Variants in HSPA4 observed in about 807,000 individuals in gnomAD.
The protein encoded by HSPA4 is heat shock protein family A (Hsp70) member 4.
A neutral mutation model predicts 106.2 loss-of-function variants in HSPA4; 25 were observed. That is an observed-to-expected ratio of 0.24 (90% confidence interval 0.17 to 0.33). The LOEUF (loss-of-function observed/expected upper bound fraction) is 0.33. HSPA4 is among the 10% of genes least tolerant of loss of function. The pLI is 1.00. For missense variants in HSPA4, 841 were observed against 996.0 expected (o/e 0.84, Z 2.10); for synonymous variants, 332 against 333.6 (o/e 1.00, Z 0.05).
chr5:133,055,307 ATTTTTTT>A (rs397999293), intron 1 of HSPA4, among the ~76,000 whole-genome samples: 1,423 of 60,054 alleles, frequency 0.024, 19 homozygotes, highest in African/African-American at 0.074. Flanking sequence ...AGGAAGGTTG[ATTTTTTT>A]TTTTTTTTTT....
At chr5:133,104,081 T>A in intron 18 of HSPA4, 55 bp downstream of exon 18, 1 of 1,484,008 alleles carries the variant, frequency 6.7e-7, no homozygotes, top group Non-Finnish European at 9.3e-7. Flanking sequence ...TTATTAATAG[T>A]CCTCAAGTGA....
intron 8 of HSPA4, 40 bp downstream of exon 8, chr5:133,086,898 A>G (rs747315401): frequency 4.0e-5 from 56 of 1,400,502 alleles, no homozygotes; most frequent in Non-Finnish European, 5.7e-5. Flanking sequence ...CGTATCTCAG[A>G]CTGTTTGGAA....
intron 14 of HSPA4, among the ~76,000 whole-genome samples, chr5:133,096,649 C>T (rs944516866): frequency 1.3e-5 from 2 of 152,158 alleles, no homozygotes; most frequent in Admixed American, 6.5e-5. Flanking sequence ...TATTCCTTTC[C>T]GTTGCCAGTC....
Position 133,073,261 on chromosome 5 carries a change from G to A in HSPA4, c.461G>A (p.Arg154Gln), listed in dbSNP as rs149159356. ...VPCFYTDAER[R>Q]SVMDATQIAG... is the part of the protein sequence containing the mutation. Reference sequence around the variant, plus strand: ...TGTTTCTATACTGATGCAGAAAGACGATCAGTGATGGATGCAACACAGATT... The same window carrying A: ...TGTTTCTATACTGATGCAGAAAGACAATCAGTGATGGATGCAACACAGATT... Residue 154 changes from arginine to glutamine, a missense_variant, in exon 5 of 19, where the codon CGA (arginine) becomes CAA (glutamine). Around this residue, in one of 5 missense-constraint regions of HSPA4, gnomAD observed 347 missense variants for 408.7 expected, o/e 0.85. Transcript: ENST00000304858. The A allele has an allele frequency of 9.3e-6, 15 of 1,608,244 alleles. No individual in the cohort carries two copies. The highest frequency in any genetic ancestry group is 5.4e-5 in the African/African-American group (4 of 74,576).
Position 133,076,746 on chromosome 5 carries a change from C to T in HSPA4, c.756C>T (p.Tyr252=), listed in dbSNP as rs774102059. 8 of 1,613,836 alleles carry T rather than the reference C, an allele frequency of 5.0e-6. No homozygotes were observed. In the South Asian group the frequency reaches 5.5e-5, roughly 11 times the overall value. ...TCTGTGAAGAATTTGGGAAGAAATA[C>T]AAGCTAGACATTAAGTCCAAAATCC... ...NHFCEEFGKK[Y]KLDIKSKIRA... Residue 252 remains tyrosine (Y), a synonymous_variant, in exon 7 of 19, where the codon TAC becomes TAT. Transcript: ENST00000304858.
chr5:133,078,128 T>A (rs1765467806), intron 7 of HSPA4, among the ~76,000 whole-genome samples: 1 of 149,096 alleles, frequency 6.7e-6, no homozygotes, highest in Non-Finnish European at 1.5e-5. Context: ...GTCAGGAGAT[T>A]GAGACCATCC....
Position 133,097,354 on chromosome 5 carries a change from G to A in HSPA4, c.1929+68G>A, listed in dbSNP as rs566697471. On this transcript the variant is annotated intron_variant, in intron 15 of 18. Coordinates refer to ENST00000304858, the MANE Select transcript of HSPA4 (RefSeq NM_002154.4). ...GAACATCTTTAAGTGGGTTAGAAGG[G>A]AAGTGTGCAGCTATATGTGTATAGT... The A allele has an allele frequency of 3.5e-6, 5 of 1,432,242 alleles. No homozygotes were observed. The East Asian group carries it at 1.2e-4, about 33-fold the overall frequency. 88.7% of individuals were successfully genotyped at this position (1,432,242 alleles called of 1,614,324 possible).
chr5:133,104,632 A>G lies in HSPA4; in HGVS notation c.*196A>G, dbSNP rs938766677. ...TAGATACAGAAATTAAGTGCATTGTATCTTTTTCATAATGGTACTATTTAG... is the reference window on the plus strand; with the variant it reads ...TAGATACAGAAATTAAGTGCATTGTGTCTTTTTCATAATGGTACTATTTAG... On this transcript the variant is annotated 3_prime_UTR_variant, in exon 19 of 19. Transcript: ENST00000304858. 1.1e-5 allele frequency: 6 copies of G among 567,452 alleles called. No individual in the cohort carries two copies. The highest frequency in any genetic ancestry group is 1.0e-4 in the South Asian group (5 of 47,958). The allele number at this position is 567,452 out of a possible 1,614,324, so 35.2% of individuals were successfully genotyped here.
intron 3 of HSPA4, 87 bp downstream of exon 3, chr5:133,067,644 G>A: frequency 8.5e-7 from 1 of 1,182,750 alleles, no homozygotes; most frequent in Non-Finnish European, 1.2e-6. Context: ...TCTGATGTCA[G>A]ATTGCAATGA....
At chr5:133,091,436 C>T in intron 12 of HSPA4, 62 bp downstream of exon 12, 1 of 1,327,652 alleles carries the variant, frequency 7.5e-7, no homozygotes. Flanking sequence ...GAAATTGTAG[C>T]AAGCAGACTT....
chr5:133,078,507 C>T (rs922174886), intron 7 of HSPA4, among the ~76,000 whole-genome samples: 16 of 148,638 alleles, frequency 1.1e-4, no homozygotes, highest in African/African-American at 3.2e-4. Context: ...TGGTGGCAGG[C>T]GCCTGTAATC....
intron 2 of HSPA4, among the ~76,000 whole-genome samples, chr5:133,067,047 G>C (rs1312014744): frequency 6.6e-6 from 1 of 152,074 alleles, no homozygotes; most frequent in Non-Finnish European, 1.5e-5. Context: ...ATGTATTGCT[G>C]AGTTGGTTCC....
intron 17 of HSPA4, among the ~76,000 whole-genome samples, chr5:133,102,728 T>TG (rs1265877817): frequency 2.0e-5 from 3 of 151,894 alleles, no homozygotes; most frequent in Admixed American, 6.6e-5. Flanking sequence ...TTTTGTGGGT[T>TG]TTTGTTTGTT....
rs573300654 is a variant in HSPA4, at chr5:133,060,604, T to C, written c.108-4376T>C. 4.9e-3 allele frequency among the ~76,000 whole-genome samples: 745 copies of C among 152,236 alleles called. 2 individuals carry two copies. The highest frequency in any genetic ancestry group is 7.4e-3 in the Non-Finnish European group (505 of 68,018). On this transcript the variant is annotated intron_variant, in intron 1 of 18. Coordinates refer to ENST00000304858, the MANE Select transcript of HSPA4 (RefSeq NM_002154.4). ...CTCAAACTCCTGACCTCAGATGATC[T>C]GCCCACCTCGGCCTCTCAAAGTGTT...
At chr5:133,088,631 A>G in intron 9 of HSPA4, 76 bp downstream of exon 9, 1 of 1,273,022 alleles carries the variant, frequency 7.9e-7, no homozygotes, top group Non-Finnish European at 1.1e-6. Context: ...GTATCTAATA[A>G]CCTGGGATTA....
At chr5:133,053,078 A>G (rs973672920) in intron 1 of HSPA4, 2 of 152,240 alleles carry the variant, frequency 1.3e-5, no homozygotes, top group Non-Finnish European at 2.9e-5. Flanking sequence ...CACTTTAACG[A>G]TAATGCATTC....
At chr5:133,066,909 T>C (rs1765314207) in intron 2 of HSPA4, among the ~76,000 whole-genome samples, 1 of 152,050 alleles carries the variant, frequency 6.6e-6, no homozygotes, top group South Asian at 2.1e-4. Context: ...AGAGACAGCG[T>C]TTCACCATGT....
chr5:133,074,281 CTCTTTTTTTTTTT>C (rs1473759779), intron 6 of HSPA4, among the ~76,000 whole-genome samples, 155 bp downstream of exon 6: 1 of 141,334 alleles, frequency 7.1e-6, no homozygotes, highest in Non-Finnish European at 1.5e-5. Flanking sequence ...TCTTTTTTTT[CTCTTTTTTTTTTT>C]TGAGATAGAG....
chr5:133,093,442 A>G (rs1420222564), intron 13 of HSPA4, among the ~76,000 whole-genome samples: 1 of 152,164 alleles, frequency 6.6e-6, no homozygotes, highest in Non-Finnish European at 1.5e-5. Flanking sequence ...AACAATAATG[A>G]AACTGAAAAA....
Sources: allele counts gnomAD v4.1 joint callset (sites outside exome capture counted in the v4.1 genomes callset), GRCh38; gene constraint gnomAD v4.1.1; regional missense constraint gnomAD v4.1.1; transcripts MANE v1.5; gene names NCBI Gene and HGNC (gene_info 2026-07-23, HGNC 2026-07-21).